Variants in RAB6A observed in about 807,000 individuals in gnomAD.
RAB6A encodes the protein RAB6A, member RAS oncogene family.
Under a neutral mutation model 32.3 loss-of-function variants are expected in RAB6A, and 8 were observed. The ratio of observed to expected loss-of-function variants is 0.25; its 90% CI spans 0.15 to 0.45. The LOEUF is 0.45. Ranked by LOEUF, RAB6A falls within the 20% of genes least tolerant of loss-of-function variation. The probability of loss-of-function intolerance (pLI) is 1.00; values close to 1 mark genes in which losing one functional copy is unlikely to be tolerated. For synonymous variants in RAB6A, 73 were observed against 82.1 expected (o/e 0.89, Z 0.60); for missense variants, 104 against 249.4 (o/e 0.42, Z 3.93).
At chr11:73,731,685 T>A (rs6592532) in intron 1 of RAB6A, among the ~76,000 whole-genome samples, 89,880 of 109,306 alleles carry the variant, frequency 0.82, 35,427 homozygotes, top group East Asian at 0.89. Flanking sequence ...AGATAGATAT[T>A]ATATATATAT....
intron 1 of RAB6A, among the ~76,000 whole-genome samples, chr11:73,738,478 T>C (rs1324093071): frequency 3.3e-5 from 5 of 151,828 alleles, no homozygotes; most frequent in African/African-American, 1.2e-4. Flanking sequence ...CAAAACTCCA[T>C]CTCCAAAAAC....
rs184715070 is a variant in RAB6A at position 73,716,084 on chromosome 11, T to A, written c.401+167A>T. 1.6e-4 allele frequency among the ~76,000 whole-genome samples: 25 copies of A among 152,292 alleles called. No individual in the cohort carries two copies. The East Asian group carries it at 4.2e-3, about 26-fold the overall frequency. On this transcript the variant is annotated intron_variant, in intron 5 of 7. Transcript: ENST00000336083. The stretch of plus-strand genomic sequence containing the variant: ...ATTCATTTCCCTTAAGGACTGGCTG[T>A]TTAATATTTACATTTATATTTGAGG...
At chr11:73,720,947 C>T (rs1272054332) in intron 2 of RAB6A, 48 bp from the exon 3 acceptor site, 3 of 1,361,736 alleles carry the variant, frequency 2.2e-6, no homozygotes, top group African/African-American at 1.4e-5. Context: ...TTAATGGTGG[C>T]CAGCAGTTTA....
intron 2 of RAB6A, chr11:73,729,578 A>T (rs1333885059): frequency 6.6e-6 from 1 of 151,534 alleles, no homozygotes; most frequent in Non-Finnish European, 1.5e-5. Flanking sequence ...TCTTTCATAT[A>T]TTTCTGCTTT....
chr11:73,678,512 G>A (rs1945301486), intron 7 of RAB6A, among the ~76,000 whole-genome samples: 1 of 151,830 alleles, frequency 6.6e-6, no homozygotes, highest in Non-Finnish European at 1.5e-5. Context: ...AGCTACTTGG[G>A]AGGCTGAGGC....
chr11:73,722,329 ATATATATATATATATTTTTTTTT>A (rs1565364934), intron 2 of RAB6A: 3 of 15,998 alleles, frequency 1.9e-4, no homozygotes, highest in African/African-American at 2.6e-4. Context: ...ATATATATAT[ATATATATATATATATTTTTTTTT>A]TTTTTTTTTT....
intron 6 of RAB6A, among the ~76,000 whole-genome samples, chr11:73,684,448 C>T (rs1184570208): frequency 6.6e-6 from 1 of 152,212 alleles, no homozygotes; most frequent in South Asian, 2.1e-4. Flanking sequence ...TGATTACAGG[C>T]ATGAGCCACC....
chr11:73,718,863 C>T, intron 3 of RAB6A, 145 bp from the exon 4 acceptor site: 1 of 1,613,628 alleles, frequency 6.2e-7, no homozygotes, highest in Non-Finnish European at 8.5e-7. Flanking sequence ...CGTTCCTGAC[C>T]CGCAGTATCC....
At chr11:73,752,687 G>C (rs1258557344) in intron 1 of RAB6A, among the ~76,000 whole-genome samples, 3 of 151,928 alleles carry the variant, frequency 2.0e-5, no homozygotes, top group Non-Finnish European at 4.4e-5. Flanking sequence ...CCTTGGTGGC[G>C]CATGCTTGTG....
At chr11:73,711,126 C>T (rs1398538895) in intron 5 of RAB6A, among the ~76,000 whole-genome samples, 3 of 152,208 alleles carry the variant, frequency 2.0e-5, no homozygotes, top group South Asian at 2.1e-4. Flanking sequence ...TCAAACTCTG[C>T]GGGCACCACC....
chr11:73,739,284 A>AAAAAAAAAAAAAAAAAAAAAAAAAAATAT lies in RAB6A; in HGVS notation c.71-8462_71-8461insATATTTTTTTTTTTTTTTTTTTTTTTTTT, dbSNP rs1208877325. 3.0e-4 allele frequency among the ~76,000 whole-genome samples: 2 copies of AAAAAAAAAAAAAAAAAAAAAAAAAAATAT among 6,754 alleles called. 1 individual carries two copies. Among genetic ancestry groups the AAAAAAAAAAAAAAAAAAAAAAAAAAATAT allele is most frequent in the Non-Finnish European group, 6.8e-4 (2 of 2,922 alleles). 4.4% of individuals were successfully genotyped at this position (6,754 alleles called of 152,430 possible). ...TAATTAAAAAAAAAAAAAAAAAAAA[A>AAAAAAAAAAAAAAAAAAAAAAAAAAATAT]ATATATATATATATATATATAAATA... On this transcript the variant is annotated intron_variant, in intron 1 of 7. Transcript: ENST00000336083.
chr11:73,697,364 T>C (rs1261449442), intron 6 of RAB6A, among the ~76,000 whole-genome samples: 1 of 152,054 alleles, frequency 6.6e-6, no homozygotes, highest in Non-Finnish European at 1.5e-5. Flanking sequence ...ACAGTCTCAC[T>C]CTGTCTCCCA....
At chr11:73,710,019 C>T (rs1377771623) in intron 5 of RAB6A, among the ~76,000 whole-genome samples, 1 of 147,404 alleles carries the variant, frequency 6.8e-6, no homozygotes, top group Non-Finnish European at 1.5e-5. Flanking sequence ...AGTGAAGTGG[C>T]ACGATCTCGG....
chr11:73,753,269 C>T (rs952656601), intron 1 of RAB6A, among the ~76,000 whole-genome samples: 1 of 152,070 alleles, frequency 6.6e-6, no homozygotes, highest in African/African-American at 2.4e-5. Context: ...CCAACATGGC[C>T]ACTCACTGCA....
chr11:73,755,762 A>G (rs1233256487), intron 1 of RAB6A, among the ~76,000 whole-genome samples: 1 of 149,374 alleles, frequency 6.7e-6, no homozygotes, highest in African/African-American at 2.5e-5. Flanking sequence ...GGAAATGGGA[A>G]GAGGAAAGGA....
intron 5 of RAB6A, among the ~76,000 whole-genome samples, chr11:73,709,842 C>T (rs11600159): frequency 1.0e-4 from 3 of 29,950 alleles, no homozygotes; most frequent in Non-Finnish European, 1.7e-4. Flanking sequence ...CATATATACA[C>T]ATATATATAC....
chr11:73,747,052 A>G (rs1946599133), intron 1 of RAB6A, among the ~76,000 whole-genome samples: 1 of 148,794 alleles, frequency 6.7e-6, no homozygotes, highest in Non-Finnish European at 1.5e-5. Flanking sequence ...TCGGCCTCCC[A>G]AAGTGCTGGG....
intron 1 of RAB6A, among the ~76,000 whole-genome samples, chr11:73,753,563 T>C (rs1288382955): frequency 6.6e-6 from 1 of 151,292 alleles, no homozygotes; most frequent in Non-Finnish European, 1.5e-5. Flanking sequence ...TACAAAAAAT[T>C]AGCCGGGCAT....
chr11:73,745,369 A>C (rs1028720834), intron 1 of RAB6A, among the ~76,000 whole-genome samples: 5 of 152,244 alleles, frequency 3.3e-5, no homozygotes, highest in African/African-American at 1.2e-4. Flanking sequence ...AATGTGGTCC[A>C]GAGTTTGGCC....
Sources: allele counts gnomAD v4.1 joint callset (sites outside exome capture counted in the v4.1 genomes callset), GRCh38; gene constraint gnomAD v4.1.1; transcripts MANE v1.5; gene names NCBI Gene and HGNC (gene_info 2026-07-23, HGNC 2026-07-21).